Variants in KCNH7 observed in about 807,000 individuals in gnomAD.
The protein encoded by KCNH7 is potassium voltage-gated channel subfamily H member 7.
In KCNH7, 49 loss-of-function variants were observed where a neutral mutation model predicts 120.8. That is an observed-to-expected ratio of 0.41 (90% CI 0.32 to 0.51). The LOEUF is 0.51. Among genes scored for constraint, KCNH7 ranks in the 20% least tolerant of loss-of-function variants. KCNH7 has a pLI of 0.38. For missense variants in KCNH7, 1,097 were observed against 1,446.6 expected, an observed-to-expected ratio of 0.76 and a Z score of 3.92; for synonymous variants, 547 against 516.1, an observed-to-expected ratio of 1.06 and a Z score of -0.81.
intron 2 of KCNH7, among the ~76,000 whole-genome samples, chr2:162,649,548 T>C (rs1219578377): frequency 6.6e-6 from 1 of 152,154 alleles, no homozygotes; most frequent in Admixed American, 6.6e-5. Context: ...TCTTGTTCTG[T>C]GTGCTGACTC....
At chr2:162,476,603 T>C (rs1197782007) in intron 6 of KCNH7, among the ~76,000 whole-genome samples, 1 of 152,200 alleles carries the variant, frequency 6.6e-6, no homozygotes, top group East Asian at 1.9e-4. Flanking sequence ...CTCTGTATCC[T>C]TAATATTATA....
chr2:162,543,450 A>C (rs961793127), intron 2 of KCNH7, among the ~76,000 whole-genome samples: 15 of 152,124 alleles, frequency 9.9e-5, no homozygotes, highest in Non-Finnish European at 2.1e-4. Context: ...CCTGTCATTT[A>C]AAAATGAAGA....
At chr2:162,686,637 T>C (rs1407409557) in intron 2 of KCNH7, among the ~76,000 whole-genome samples, 1 of 152,138 alleles carries the variant, frequency 6.6e-6, no homozygotes, top group Non-Finnish European at 1.5e-5. Flanking sequence ...TAAAGTTGCA[T>C]GCCTTAAGAG....
chr2:162,788,094 A>G (rs1683780098), intron 2 of KCNH7, among the ~76,000 whole-genome samples: 1 of 152,230 alleles, frequency 6.6e-6, no homozygotes, highest in Non-Finnish European at 1.5e-5. Context: ...TGGAATCATG[A>G]CACCAACAAA....
intron 8 of KCNH7, among the ~76,000 whole-genome samples, chr2:162,433,053 C>T (rs150222804): frequency 1.7e-3 from 257 of 151,960 alleles, no homozygotes; most frequent in African/African-American, 5.7e-3. Context: ...AATAAAATAG[C>T]GGGGAATACA....
chr2:162,807,934 G>A (rs571898458), intron 2 of KCNH7, among the ~76,000 whole-genome samples: 12 of 152,144 alleles, frequency 7.9e-5, no homozygotes, highest in South Asian at 6.2e-4. Context: ...CACCCACCTC[G>A]GCCTCCCAAA....
chr2:162,470,610 C>G (rs574067318), intron 6 of KCNH7, among the ~76,000 whole-genome samples: 1 of 151,400 alleles, frequency 6.6e-6, no homozygotes, highest in African/African-American at 2.4e-5. Flanking sequence ...CCGCCCCATC[C>G]GGGAGGGAGG....
At chr2:162,739,210 G>T (rs1480889696) in intron 2 of KCNH7, among the ~76,000 whole-genome samples, 1 of 152,064 alleles carries the variant, frequency 6.6e-6, no homozygotes, top group Non-Finnish European at 1.5e-5. Context: ...TTGTATGCCT[G>T]TTCTACTCTT....
At chr2:162,528,426 T>G (rs1249190003) in intron 3 of KCNH7, 1 of 151,982 alleles carries the variant, frequency 6.6e-6, no homozygotes, top group African/African-American at 2.4e-5. Context: ...AGGACCCATG[T>G]GGGTGAGTTA....
At chr2:162,511,725 A>G (rs1004540849) in intron 5 of KCNH7, among the ~76,000 whole-genome samples, 2 of 151,726 alleles carry the variant, frequency 1.3e-5, no homozygotes, top group African/African-American at 4.8e-5. Context: ...CAATTGAGAA[A>G]TCAATATACA....
intron 2 of KCNH7, among the ~76,000 whole-genome samples, chr2:162,791,463 G>A (rs1241031187): frequency 1.3e-5 from 2 of 151,968 alleles, no homozygotes; most frequent in African/African-American, 4.8e-5. Flanking sequence ...ATTTCTTTGA[G>A]CAGTGTTTTG....
chr2:162,684,243 AC>A (rs1685807684), intron 2 of KCNH7, among the ~76,000 whole-genome samples: 2 of 152,166 alleles, frequency 1.3e-5, no homozygotes, highest in South Asian at 4.1e-4. Flanking sequence ...AACCATAAAA[AC>A]CCTAGAAGAA....
At chr2:162,761,259 A>G (rs111599497) in intron 2 of KCNH7, among the ~76,000 whole-genome samples, 8 of 152,126 alleles carry the variant, frequency 5.3e-5, no homozygotes, top group Non-Finnish European at 1.0e-4. Flanking sequence ...GATTTTTCTG[A>G]TATCTATGGT....
chr2:162,763,675 C>A (rs557317683), intron 2 of KCNH7, among the ~76,000 whole-genome samples: 65 of 150,750 alleles, frequency 4.3e-4, no homozygotes, highest in African/African-American at 1.5e-3. Flanking sequence ...GTAATGCTGT[C>A]TTAGTTGGGT....
At chr2:162,404,099 T>A (rs111836976) in intron 9 of KCNH7, among the ~76,000 whole-genome samples, 1 of 151,960 alleles carries the variant, frequency 6.6e-6, no homozygotes, top group African/African-American at 2.4e-5. Context: ...ATGACTCAGA[T>A]ACTGGCATTT....
chr2:162,717,362 A>G (rs1004225053), intron 2 of KCNH7, among the ~76,000 whole-genome samples: 2 of 152,204 alleles, frequency 1.3e-5, no homozygotes, highest in South Asian at 2.1e-4. Flanking sequence ...AATATTCAAT[A>G]AAGCTAGCAT....
chr2:162,392,838 AT>A (rs1475619201), intron 12 of KCNH7, among the ~76,000 whole-genome samples: 6 of 151,996 alleles, frequency 3.9e-5, no homozygotes, highest in African/African-American at 1.4e-4. Flanking sequence ...AGGGCACAGG[AT>A]GTCCTTAGAG....
At chr2:162,721,328 G>T (rs1281312443) in intron 2 of KCNH7, among the ~76,000 whole-genome samples, 1 of 152,108 alleles carries the variant, frequency 6.6e-6, no homozygotes, top group Non-Finnish European at 1.5e-5. Flanking sequence ...CAGCTATTGT[G>T]GGTCAGCCAT....
At chr2:162,723,040 T>C (rs12992943) in intron 2 of KCNH7, among the ~76,000 whole-genome samples, 1 of 151,874 alleles carries the variant, frequency 6.6e-6, no homozygotes, top group African/African-American at 2.4e-5. Flanking sequence ...GTTGACCTTG[T>C]TGAGCATCTT....
Sources: allele counts gnomAD v4.1 joint callset (sites outside exome capture counted in the v4.1 genomes callset), GRCh38; gene constraint gnomAD v4.1.1; transcripts MANE v1.5; gene names NCBI Gene and HGNC (gene_info 2026-07-23, HGNC 2026-07-21).